The following CACNA1B variants were observed in gnomAD, a reference collection of about 807,000 sequenced individuals.
The protein encoded by CACNA1B is voltage-dependent N-type calcium channel subunit alpha-1B.
In CACNA1B, 70 loss-of-function variants were observed where a neutral mutation model predicts 247.2. The observed-to-expected ratio is 0.28, with a 90% CI of 0.23 to 0.35. CACNA1B has a LOEUF of 0.35. Ranked by LOEUF, CACNA1B falls within the 10% of genes least tolerant of loss-of-function variation. The pLI is 1.00. For synonymous variants in CACNA1B, 1,231 were observed against 1,294.4 expected, an observed-to-expected ratio of 0.95 and a Z score of 1.05; for missense variants, 2,367 against 3,197.4, an observed-to-expected ratio of 0.74 and a Z score of 6.26.
rs1340392240 is a variant in CACNA1B, at chr9:138,010,892, A to G, written c.2160+815A>G. Among the ~76,000 whole-genome samples, 2 of 152,126 alleles carry G rather than the reference A, an allele frequency of 1.3e-5. No individual in the cohort carries two copies. The highest frequency in any genetic ancestry group is 2.9e-5 in the Non-Finnish European group (2 of 67,994). Reference sequence around the variant, plus strand: ...AGAGGCAGGTTCAGGATTTCTGTCCATGGGCAGCAGAGATGCAGGTGTGCC... The same window carrying G: ...AGAGGCAGGTTCAGGATTTCTGTCCGTGGGCAGCAGAGATGCAGGTGTGCC... On this transcript the variant is annotated intron_variant, in intron 17 of 46. Transcript: ENST00000371372. This position sits in a 1 kb window ranked among gnomAD's most constrained non-coding sequence, Gnocchi z 5.3.
At position 137,954,540 on chromosome 9, in the gene CACNA1B, C is replaced by T. The variant is rs945745737; in HGVS notation, c.1071-1158C>T. ...GCTGCTGGGAGCTCTCAGATCAGTTCAAGCAGTGATGTCCTTGCCCTTCCC... is the reference window on the plus strand; with the variant it reads ...GCTGCTGGGAGCTCTCAGATCAGTTTAAGCAGTGATGTCCTTGCCCTTCCC... On this transcript the variant is annotated intron_variant, in intron 7 of 46. Coordinates refer to ENST00000371372, the MANE Select transcript of CACNA1B (RefSeq NM_000718.4). The surrounding 1 kb of genome is among the most constrained non-coding windows in gnomAD (Gnocchi z 4.1). 6.6e-6 allele frequency among the ~76,000 whole-genome samples: 1 copy of T among 152,150 alleles called. No homozygotes were observed. The highest frequency in any genetic ancestry group is 2.4e-5 in the African/African-American group (1 of 41,422).
chr9:138,098,094 A>G (rs1961117016), intron 37 of CACNA1B, among the ~76,000 whole-genome samples: 1 of 152,202 alleles, frequency 6.6e-6, no homozygotes, highest in South Asian at 2.1e-4. Flanking sequence ...AGTCGGAAAT[A>G]TACAGTTTTT....
intron 12 of CACNA1B, among the ~76,000 whole-genome samples, chr9:137,979,056 T>C (rs1009208828): frequency 7.9e-5 from 12 of 152,248 alleles, no homozygotes; most frequent in African/African-American, 2.9e-4. Context: ...CAGGGATCTT[T>C]TTCATGTCTT....
rs372344996 is a variant in CACNA1B, at chr9:138,011,453, C to T, written c.2160+1376C>T. 3.9e-5 allele frequency among the ~76,000 whole-genome samples: 6 copies of T among 152,308 alleles called. No individual in the cohort carries two copies. In the East Asian group the frequency reaches 1.2e-3, roughly 29 times the overall value. Reference sequence around the variant, plus strand: ...GGGCCTGTCTGTGTCTGGCTGTGGGCATTTTTCTGGGCTGACCAAGAGCCG... The same window carrying T: ...GGGCCTGTCTGTGTCTGGCTGTGGGTATTTTTCTGGGCTGACCAAGAGCCG... On this transcript the variant is annotated intron_variant, in intron 17 of 46. Transcript: ENST00000371372. This position sits in a 1 kb window ranked among gnomAD's most constrained non-coding sequence, Gnocchi z 4.2.
At position 138,112,476 on chromosome 9, in the gene CACNA1B, C is replaced by G. The variant is rs1395728889; in HGVS notation, c.5507C>G (p.Thr1836Ser). 1.2e-6 allele frequency: 2 copies of G among 1,612,372 alleles called. No homozygotes were observed. The highest frequency in any genetic ancestry group is 1.6e-4 in the Middle Eastern group (1 of 6,080). ...SVVWANLPQKTLDLLVPPHKP... is the reference protein window; with the variant it reads ...SVVWANLPQKSLDLLVPPHKP... Reference sequence around the variant, plus strand: ...GTGTGGGCCAATCTGCCCCAGAAGACTTTGGACTTGCTGGTACCACCCCAT... The same window carrying G: ...GTGTGGGCCAATCTGCCCCAGAAGAGTTTGGACTTGCTGGTACCACCCCAT... Residue 1836 changes from threonine to serine, a missense_variant, in exon 40 of 47, where the codon ACT becomes AGT. Transcript: ENST00000371372.
At chr9:138,063,024 C>G (rs951870855) in intron 31 of CACNA1B, among the ~76,000 whole-genome samples, 8 of 152,246 alleles carry the variant, frequency 5.3e-5, no homozygotes, top group African/African-American at 1.9e-4. Flanking sequence ...ACTTCACTGA[C>G]GTGGAAGGTC....
In CACNA1B at chr9:138,012,145, A is replaced by G. The variant is rs1001195606; in HGVS notation, c.2161-984A>G. Among the ~76,000 whole-genome samples the G allele has an allele frequency of 1.3e-5, 2 of 152,220 alleles. No homozygotes were observed. The highest frequency in any genetic ancestry group is 4.8e-5 in the African/African-American group (2 of 41,462). Reference sequence around the variant, plus strand: ...GTGAAGTTCAGGGCCAGGCACTGCAAGTGGTCACCCAGGAGTGGGGGAGAC... The same window carrying G: ...GTGAAGTTCAGGGCCAGGCACTGCAGGTGGTCACCCAGGAGTGGGGGAGAC... On this transcript the variant is annotated intron_variant, in intron 17 of 46. Coordinates refer to ENST00000371372, the MANE Select transcript of CACNA1B (RefSeq NM_000718.4). The surrounding 1 kb of genome is among the most constrained non-coding windows in gnomAD (Gnocchi z 4.2).
chr9:138,003,680 T>A (rs1424114076), intron 15 of CACNA1B, among the ~76,000 whole-genome samples: 1 of 150,942 alleles, frequency 6.6e-6, no homozygotes, highest in South Asian at 2.1e-4. Flanking sequence ...AAGAAAAAGA[T>A]GAGTCATCAG....
At chr9:137,893,347 C>A (rs1957130987) in intron 3 of CACNA1B, among the ~76,000 whole-genome samples, 1 of 115,536 alleles carries the variant, frequency 8.7e-6, no homozygotes. Context: ...TTAACAACTC[C>A]CCCCTTTAAA....
rs984219325 is a variant in CACNA1B, at chr9:138,012,848, G to A, written c.2161-281G>A. Among the ~76,000 whole-genome samples the A allele has an allele frequency of 5.3e-5, 8 of 152,030 alleles. No individual in the cohort carries two copies. The highest frequency in any genetic ancestry group is 1.7e-4 in the African/African-American group (7 of 41,404). ...GTGAGGCCGTCGCCTCCAGGGAGACGGCACAAGCAAGAGGGCACTGAGGAA... is the reference window on the plus strand; with the variant it reads ...GTGAGGCCGTCGCCTCCAGGGAGACAGCACAAGCAAGAGGGCACTGAGGAA... On this transcript the variant is annotated intron_variant, in intron 17 of 46. Transcript: ENST00000371372. This position sits in a 1 kb window ranked among gnomAD's most constrained non-coding sequence, Gnocchi z 4.2.
intron 21 of CACNA1B, 83 bp from the exon 22 acceptor site, chr9:138,046,821 C>A: frequency 2.2e-6 from 3 of 1,362,394 alleles, no homozygotes; most frequent in Non-Finnish European, 3.0e-6. Context: ...GCCCTTTCTG[C>A]GGGACGGGCT....
intron 6 of CACNA1B, among the ~76,000 whole-genome samples, chr9:137,934,831 G>A (rs1957646759): frequency 6.6e-6 from 1 of 152,144 alleles, no homozygotes; most frequent in African/African-American, 2.4e-5. Context: ...CTGAACAACA[G>A]CCTTGAGCCC....
At chr9:137,905,385 A>G (rs987995689) in intron 3 of CACNA1B, among the ~76,000 whole-genome samples, 1 of 151,930 alleles carries the variant, frequency 6.6e-6, no homozygotes, top group Non-Finnish European at 1.5e-5. Flanking sequence ...GATTCAACTT[A>G]TGAAAAATTA....
chr9:138,086,082 C>T (rs1290314500), intron 36 of CACNA1B, among the ~76,000 whole-genome samples: 1 of 151,182 alleles, frequency 6.6e-6, no homozygotes, highest in African/African-American at 2.4e-5. Context: ...AAAAGATATA[C>T]AAAACAACCA....
chr9:137,955,509 G>A lies in CACNA1B; in HGVS notation c.1071-189G>A, dbSNP rs563008969. The stretch of plus-strand genomic sequence containing the variant: ...CCTCTGGGTGCCCAGGGAGCTGTCT[G>A]GTGCTCTGGAGTGCTCATCTGGAGT... On this transcript the variant is annotated intron_variant, in intron 7 of 46. Transcript: ENST00000371372. The surrounding 1 kb of genome is among the most constrained non-coding windows in gnomAD (Gnocchi z 6.9). Among the ~76,000 whole-genome samples the A allele has an allele frequency of 2.0e-5, 3 of 152,204 alleles. No individual in the cohort carries two copies. The highest frequency in any genetic ancestry group is 2.9e-5 in the Non-Finnish European group (2 of 68,034).
chr9:138,022,989 C>T (rs1050467587), intron 18 of CACNA1B, 22 bp from the exon 19 acceptor site: 40 of 1,471,022 alleles, frequency 2.7e-5, no homozygotes, highest in Non-Finnish European at 3.3e-5. Flanking sequence ...CGGGGCCGCG[C>T]TCACCGCCAG....
Position 137,910,597 on chromosome 9 carries a change from G to T in CACNA1B, c.531-2583G>T, listed in dbSNP as rs182535619. Among the ~76,000 whole-genome samples, 26 of 152,270 alleles carry T rather than the reference G, an allele frequency of 1.7e-4. No homozygotes were observed. In the East Asian group the frequency reaches 2.9e-3, roughly 17 times the overall value. On this transcript the variant is annotated intron_variant, in intron 3 of 46. Transcript: ENST00000371372. ...GAGATTGTTGTCCTGCAACTAGACG[G>T]TCCCATCTGGGGGTGATGGGTCAGT...
rs772537092 is a variant in CACNA1B, at chr9:137,882,817, T to C, written c.464T>C (p.Val155Ala). The C allele has an allele frequency of 6.2e-7, 1 of 1,613,834 alleles. No individual in the cohort carries two copies. Among genetic ancestry groups the C allele is most frequent in the Non-Finnish European group, 8.5e-7 (1 of 1,179,834 alleles). ...ATCAAAATCATCGCTCTGGGCTTTG[T>C]CTTCCACAAGGGCTCTTACCTGCGG... Reference protein sequence around the residue: ...AGIKIIALGFVFHKGSYLRNG... With the variant: ...AGIKIIALGFAFHKGSYLRNG... Residue 155 changes from valine (V) to alanine (A), a missense_variant, in exon 3 of 47, where the codon GTC (valine) becomes GCC (alanine). Physicochemically the swap from Val to Ala is moderately conservative, Grantham distance 64. Coordinates refer to ENST00000371372, the MANE Select transcript of CACNA1B (RefSeq NM_000718.4). The surrounding 1 kb of genome is among the most constrained non-coding windows in gnomAD (Gnocchi z 4.0).
intron 10 of CACNA1B, among the ~76,000 whole-genome samples, chr9:137,969,275 A>C (rs1027641597): frequency 6.6e-6 from 1 of 152,226 alleles, no homozygotes; most frequent in East Asian, 1.9e-4. Flanking sequence ...TGTTTACAGC[A>C]AGGAACTGGT....
Sources: gnomAD v4.1 joint callset for allele counts (sites outside exome capture counted in the v4.1 genomes callset) on GRCh38, gnomAD v4.1.1 for gene constraint, Gnocchi (gnomAD v3.1) non-coding constraint, MANE v1.5 for transcripts, NCBI Gene and HGNC (gene_info 2026-07-23, HGNC 2026-07-21) for gene names.